The following PLAGL1 variants were observed in gnomAD, a reference collection of about 807,000 sequenced individuals.
PLAGL1 encodes PLAG1 like zinc finger 1.
In PLAGL1, 1 loss-of-function variant was observed where a neutral mutation model predicts 4.6. The ratio of observed to expected loss-of-function variants is 0.22; its 90% CI spans 0.08 to 1.03. The LOEUF is 1.03. Among genes scored for constraint, PLAGL1 ranks in the 50% least tolerant of loss-of-function variants. PLAGL1 has a pLI of 0.58. For synonymous variants in PLAGL1, 240 were observed against 237.8 expected (o/e 1.01, Z -0.08); for missense variants, 464 against 570.4 (o/e 0.81, Z 1.90).
At position 144,056,063 on chromosome 6, in the gene PLAGL1, C is replaced by T. The variant is rs1210071366; in HGVS notation, c.-151+8405G>A. On this transcript the variant is annotated intron_variant, in intron 1 of 3. Coordinates refer to the PLAGL1 transcript ENST00000437412. The surrounding 1 kb of genome is among the most constrained non-coding windows in gnomAD (Gnocchi z 4.7). ...GGTAAAAGATGACTCACTTTTCTTTCCCCTCATCCCTTTCTCCATCCCACC... is the reference window on the plus strand; with the variant it reads ...GGTAAAAGATGACTCACTTTTCTTTTCCCTCATCCCTTTCTCCATCCCACC... Among the ~76,000 whole-genome samples, 3 of 152,164 alleles carry T rather than the reference C, an allele frequency of 2.0e-5. No individual in the cohort carries two copies. Among genetic ancestry groups the T allele is most frequent in the African/African-American group, 7.2e-5 (3 of 41,514 alleles).
Position 143,985,428 on chromosome 6 carries a change from G to A in PLAGL1, c.-583-254C>T, listed in dbSNP as rs1788790507. ...TTTTATAGTTTTATCACATGTGTAG[G>A]CTCACATATCTACCACTAGTCAAAA... On this transcript the variant is annotated intron_variant, in intron 1 of 7. Transcript: ENST00000674357. This position sits in a 1 kb window ranked among gnomAD's most constrained non-coding sequence, Gnocchi z 4.4. Among the ~76,000 whole-genome samples, 1 of 151,928 alleles carries A rather than the reference G, an allele frequency of 6.6e-6. No individual in the cohort carries two copies.
At chr6:144,054,985 A>T (rs1798863260) in intron 1 of PLAGL1, among the ~76,000 whole-genome samples, 1 of 152,208 alleles carries the variant, frequency 6.6e-6, no homozygotes, top group Admixed American at 6.5e-5. Flanking sequence ...TTGGACATGT[A>T]CAAATTAAAA....
chr6:143,942,069 C>A lies in PLAGL1; in HGVS notation c.747G>T (p.Gln249His). The change falls in exon 8 of 8, where the codon CAG becomes CAT. Residue 249 changes from glutamine to histidine, a missense_variant. This residue lies in a region of PLAGL1 where 248 missense variants were observed against 250.1 expected (regional missense o/e 0.99). Transcript: ENST00000674357. This position sits in a 1 kb window ranked among gnomAD's most constrained non-coding sequence, Gnocchi z 7.6. ...CTGGCAAGCTACTTGCAAGCCCGTT[C>A]TGGGCAGAAGCTCCTAAAGGGAAAG... ...LPPFPLGASA[Q>H]NGLASSLPAE... The A allele has an allele frequency of 6.2e-7, 1 of 1,613,164 alleles. No individual in the cohort carries two copies. Among genetic ancestry groups the A allele is most frequent in the Non-Finnish European group, 8.5e-7 (1 of 1,179,540 alleles).
At chr6:143,946,463 C>T (rs1779819608) in intron 7 of PLAGL1, among the ~76,000 whole-genome samples, 1 of 152,232 alleles carries the variant, frequency 6.6e-6, no homozygotes, top group Non-Finnish European at 1.5e-5. Context: ...CAAACTCATG[C>T]ACGTGATCAG....
intron 1 of PLAGL1, 138 bp downstream of exon 1, chr6:144,007,952 G>C (rs1406140981): frequency 6.6e-6 from 1 of 151,926 alleles, no homozygotes; most frequent in African/African-American, 2.4e-5. Flanking sequence ...CGCGGAGCCC[G>C]GACCCGCACG....
In PLAGL1 at chr6:143,968,854, T is replaced by G. The variant is rs1248309625; in HGVS notation, c.-472+53A>C. The G allele has an allele frequency of 6.6e-6, 1 of 152,384 alleles. No individual in the cohort carries two copies. The highest frequency in any genetic ancestry group is 1.5e-5 in the Non-Finnish European group (1 of 68,180). The allele number at this position is 152,384 out of a possible 1,614,324, so 9.4% of individuals were successfully genotyped here. ...AATAAGAATACAGAGCCATGACTGA[T>G]GGCAGGAGCACTGGGGGGCAGGAGT... On this transcript the variant is annotated intron_variant, in intron 3 of 7. Transcript: ENST00000674357. The surrounding 1 kb of genome is among the most constrained non-coding windows in gnomAD (Gnocchi z 6.3).
intron 7 of PLAGL1, among the ~76,000 whole-genome samples, chr6:143,946,394 A>G (rs1048950551): frequency 9.9e-5 from 15 of 152,196 alleles, no homozygotes; most frequent in African/African-American, 3.4e-4. Context: ...ATGTTTGGGT[A>G]AGGACGCTTA....
chr6:144,012,832 G>A (rs1402843686), upstream of PLAGL1, among the ~76,000 whole-genome samples: 1 of 152,208 alleles, frequency 6.6e-6, no homozygotes, highest in Non-Finnish European at 1.5e-5. This position sits in a 1 kb window ranked among gnomAD's most constrained non-coding sequence, Gnocchi z 4.8. Flanking sequence ...TTAAAACAGT[G>A]AGGAACAATG....
chr6:143,961,169 G>GT lies in PLAGL1; in HGVS notation c.-398-628dup, dbSNP rs1562435084. The GT allele has an allele frequency of 6.6e-6, 1 of 152,200 alleles. No individual in the cohort carries two copies. Among genetic ancestry groups the GT allele is most frequent in the African/African-American group, 2.4e-5 (1 of 41,444 alleles). The allele number at this position is 152,200 out of a possible 1,614,324, so 9.4% of individuals were successfully genotyped here. ...CATCACTGGGACCCCAGGAATTTAC[G>GT]TTTTTACCAAATCTACAGAAGCCAA... On this transcript the variant is annotated intron_variant, in intron 5 of 7. Coordinates refer to ENST00000674357, the MANE Select transcript of PLAGL1 (RefSeq NM_001317162.2). This position sits in a 1 kb window ranked among gnomAD's most constrained non-coding sequence, Gnocchi z 6.5.
At chr6:143,956,939 C>A (rs903163333) in intron 6 of PLAGL1, among the ~76,000 whole-genome samples, 8 of 152,256 alleles carry the variant, frequency 5.3e-5, no homozygotes, top group African/African-American at 1.7e-4. Context: ...CCTTCCACCA[C>A]TGGCCTTCCT....
chr6:144,017,857 T>TC (rs1795672224), intron 1 of PLAGL1, among the ~76,000 whole-genome samples: 1 of 152,170 alleles, frequency 6.6e-6, no homozygotes, highest in African/African-American at 2.4e-5. Flanking sequence ...ACTCTCTCAC[T>TC]CACAGGATGT....
chr6:143,992,343 A>C (rs1790661946), intron 1 of PLAGL1, among the ~76,000 whole-genome samples: 1 of 152,230 alleles, frequency 6.6e-6, no homozygotes, highest in Non-Finnish European at 1.5e-5. Flanking sequence ...TTTCTGTGTG[A>C]AGCATAGTCT....
intron 1 of PLAGL1, among the ~76,000 whole-genome samples, chr6:144,029,025 A>G (rs1354760615): frequency 6.6e-6 from 1 of 152,158 alleles, no homozygotes; most frequent in Non-Finnish European, 1.5e-5. Context: ...CATGACCTTC[A>G]TTTGTAAACA....
In PLAGL1 at chr6:143,955,959, A is replaced by G. The variant is rs1304477155; in HGVS notation, c.-325+4510T>C. On this transcript the variant is annotated intron_variant, in intron 6 of 7. Transcript: ENST00000674357. The surrounding 1 kb of genome is among the most constrained non-coding windows in gnomAD (Gnocchi z 4.9). Reference sequence around the variant, plus strand: ...CTTCTGCATCCCAGAAGAAAAACTCAGCAAAAAATAAGCGTTAGGAGTTCA... The same window carrying G: ...CTTCTGCATCCCAGAAGAAAAACTCGGCAAAAAATAAGCGTTAGGAGTTCA... 1.3e-5 allele frequency among the ~76,000 whole-genome samples: 2 copies of G among 152,244 alleles called. No homozygotes were observed. The highest frequency in any genetic ancestry group is 2.4e-5 in the African/African-American group (1 of 41,456).
At position 144,055,172 on chromosome 6, in the gene PLAGL1, TCCACA is replaced by T. The variant is rs1798876241; in HGVS notation, c.-151+9291_-151+9295del. Among the ~76,000 whole-genome samples, 1 of 104,816 alleles carries T rather than the reference TCCACA, an allele frequency of 9.5e-6. No individual in the cohort carries two copies. The highest frequency in any genetic ancestry group is 3.1e-4 in the South Asian group (1 of 3,230). 68.8% of individuals were successfully genotyped at this position (104,816 alleles called of 152,430 possible). ...TGTCTAATGAGCACGGAGAGGCATA[TCCACA>T]GATATTCATATCCACAGATATTCAT... On this transcript the variant is annotated intron_variant, in intron 1 of 3. Transcript: ENST00000437412. This position sits in a 1 kb window ranked among gnomAD's most constrained non-coding sequence, Gnocchi z 5.0.
At position 143,964,099 on chromosome 6, in the gene PLAGL1, G is replaced by C. The variant is rs1330833175; in HGVS notation, c.-399+688C>G. On this transcript the variant is annotated intron_variant, in intron 5 of 7. Coordinates refer to ENST00000674357, the MANE Select transcript of PLAGL1 (RefSeq NM_001317162.2). This position sits in a 1 kb window ranked among gnomAD's most constrained non-coding sequence, Gnocchi z 4.3. ...CCCCCATGGCCAACCCCCCATCCCA[G>C]GGCCTGATAAGGAGGTATGTCAGTC... 6.6e-6 allele frequency among the ~76,000 whole-genome samples: 1 copy of C among 151,870 alleles called. No homozygotes were observed. Among genetic ancestry groups the C allele is most frequent in the Non-Finnish European group, 1.5e-5 (1 of 67,970 alleles).
upstream of PLAGL1, among the ~76,000 whole-genome samples, chr6:144,012,733 C>T (rs1795277319): frequency 1.3e-5 from 2 of 152,206 alleles, no homozygotes; most frequent in East Asian, 1.9e-4. This position sits in a 1 kb window ranked among gnomAD's most constrained non-coding sequence, Gnocchi z 4.8. Flanking sequence ...TTCTCCTGAG[C>T]TTTCCCTCAA....
At position 143,990,121 on chromosome 6, in the gene PLAGL1, T is replaced by A. The variant is rs1790115886; in HGVS notation, c.-583-4947A>T. Reference sequence around the variant, plus strand: ...ATACTATGCTCTGATATTCCCCAATTTTTTTTTTTTTCTTTTTTGAGATGG... The same window carrying A: ...ATACTATGCTCTGATATTCCCCAATATTTTTTTTTTTCTTTTTTGAGATGG... On this transcript the variant is annotated intron_variant, in intron 1 of 7. Transcript: ENST00000674357. The surrounding 1 kb of genome is among the most constrained non-coding windows in gnomAD (Gnocchi z 5.4). Among the ~76,000 whole-genome samples the A allele has an allele frequency of 2.8e-5, 4 of 145,452 alleles. No homozygotes were observed. The highest frequency in any genetic ancestry group is 2.7e-4 in the Admixed American group (4 of 14,588).
chr6:143,969,209 G>A (rs1053820224), intron 2 of PLAGL1, among the ~76,000 whole-genome samples: 3 of 152,010 alleles, frequency 2.0e-5, no homozygotes, highest in African/African-American at 7.2e-5. Context: ...ATACAGTGAT[G>A]TGGTTAAGAC....
Sources: allele counts gnomAD v4.1 joint callset (sites outside exome capture counted in the v4.1 genomes callset), GRCh38; gene constraint gnomAD v4.1.1; regional missense constraint gnomAD v4.1.1; non-coding constraint Gnocchi (gnomAD v3.1); transcripts MANE v1.5; gene names NCBI Gene and HGNC (gene_info 2026-07-23, HGNC 2026-07-21).